Variants in RGMB observed in about 807,000 individuals in gnomAD.
RGMB encodes the protein repulsive guidance molecule BMP co-receptor b.
Under a neutral mutation model 26.9 loss-of-function variants are expected in RGMB, and 16 were observed. The observed-to-expected ratio is 0.60, with a 90% CI of 0.40 to 0.90. The LOEUF (loss-of-function observed/expected upper bound fraction) is 0.90, where lower values mean the gene tolerates loss of function less well. Ranked by LOEUF, RGMB falls within the 40% of genes least tolerant of loss-of-function variation. The probability of loss-of-function intolerance (pLI) is 0.00; values close to 1 mark genes in which losing one functional copy is unlikely to be tolerated. For synonymous variants in RGMB, 225 were observed against 229.3 expected (o/e 0.98, Z 0.17); for missense variants, 512 against 573.3 (o/e 0.89, Z 1.09).
chr5:98,783,755 T>A (rs528535430), intron 2 of RGMB, among the ~76,000 whole-genome samples: 29 of 152,384 alleles, frequency 1.9e-4, no homozygotes, highest in African/African-American at 7.0e-4. Flanking sequence ...ATATTAAAAT[T>A]GCCAGTCTCC....
At position 98,793,799 on chromosome 5, in the gene RGMB, T is replaced by A. The variant is rs1269069031; in HGVS notation, c.*46T>A. The A allele has an allele frequency of 3.0e-6, 4 of 1,340,648 alleles. No homozygotes were observed. Among genetic ancestry groups the A allele is most frequent in the East Asian group, 2.5e-5 (1 of 39,762 alleles). The allele number at this position is 1,340,648 out of a possible 1,614,324, so 83.0% of individuals were successfully genotyped here. On this transcript the variant is annotated 3_prime_UTR_variant, in exon 3 of 3. Transcript: ENST00000513185. ...TTTTTATTTTTTGTCTATAACAAAA[T>A]TTTAAAATATATATTGTCATAATAT...
chr5:98,771,678 T>G (rs1746168621), upstream of RGMB: 2 of 152,210 alleles, frequency 1.3e-5, no homozygotes, highest in South Asian at 4.1e-4. Context: ...AAGTTTTTCC[T>G]CTGAAGAACA....
intron 2 of RGMB, among the ~76,000 whole-genome samples, chr5:98,783,261 G>A (rs1002692915): frequency 9.2e-5 from 14 of 152,228 alleles, no homozygotes; most frequent in East Asian, 1.9e-4. Context: ...TCTCCACCCC[G>A]GGGGCTGCAG....
At chr5:98,770,764 GTTCTAACGCTTTTTAATAAACTT>G, upstream of RGMB, 1 of 737,638 alleles carries the variant, frequency 1.4e-6, no homozygotes, top group Admixed American at 4.1e-5. Flanking sequence ...TTTCCTTACT[GTTCTAACGCTTTTTAATAAACTT>G]TCACTCTTGC....
At position 98,793,855 on chromosome 5, in the gene RGMB, A is replaced by T; in HGVS notation, c.*102A>T. 11 of 884,518 alleles carry T rather than the reference A, an allele frequency of 1.2e-5. No homozygotes were observed. Among genetic ancestry groups the T allele is most frequent in the Non-Finnish European group, 1.8e-5 (11 of 597,938 alleles). 54.8% of individuals were successfully genotyped at this position (884,518 alleles called of 1,614,324 possible). ...GTAAAAGAGTATATATGTATATACCATGTATATGACAGGATGTTTGTCCTG... is the reference window on the plus strand; with the variant it reads ...GTAAAAGAGTATATATGTATATACCTTGTATATGACAGGATGTTTGTCCTG... On this transcript the variant is annotated 3_prime_UTR_variant, in exon 3 of 3. Transcript: ENST00000513185.
In RGMB at chr5:98,779,753, G is replaced by A; in HGVS notation, c.310G>A (p.Val104Ile). ...TTCAAAAGCCTGCCGTGGCAACCTG[G>A]TATACCATTCTGCCGTGTTGGGTAT... ...RTSKACRGNL[V>I]YHSAVLGISD... is the part of the protein sequence containing the mutation. Residue 104 changes from valine (V) to isoleucine (I), a missense_variant, in exon 2 of 3, where the codon GTA becomes ATA. Physicochemically the swap from Val to Ile is conservative, Grantham distance 29. Transcript: ENST00000513185. The A allele has an allele frequency of 6.2e-7, 1 of 1,614,062 alleles. No homozygotes were observed. The highest frequency in any genetic ancestry group is 1.1e-5 in the South Asian group (1 of 91,088).
At chr5:98,792,880 A>C in intron 2 of RGMB, 1 of 436,462 alleles carries the variant, frequency 2.3e-6, no homozygotes, top group Non-Finnish European at 4.0e-6. Flanking sequence ...AGATTTATTT[A>C]AACTTTAGTT....
At chr5:98,782,172 A>C (rs1746627356) in intron 2 of RGMB, among the ~76,000 whole-genome samples, 1 of 152,150 alleles carries the variant, frequency 6.6e-6, no homozygotes, top group African/African-American at 2.4e-5. Context: ...TTGGTTCCCC[A>C]TCCCCCTTCT....
chr5:98,780,037 A>G lies in RGMB; in HGVS notation c.594A>G (p.Gln198=). The G allele has an allele frequency of 6.2e-7, 1 of 1,613,644 alleles. No individual in the cohort carries two copies. The highest frequency in any genetic ancestry group is 8.5e-7 in the Non-Finnish European group (1 of 1,179,868). The change falls in exon 2 of 3, where the codon CAA becomes CAG. Residue 198 remains glutamine (Q), a synonymous_variant. Coordinates refer to ENST00000513185, the MANE Select transcript of RGMB (RefSeq NM_001366508.1). ...PLIDNNYLSV[Q]VTNVPVVPGS... ...TAGATAATAATTATCTTTCAGTTCA[A>G]GTGACAAACGTACCTGTGGTCCCTG...
At chr5:98,774,410 C>T (rs564184251) in intron 1 of RGMB, among the ~76,000 whole-genome samples, 1 of 152,212 alleles carries the variant, frequency 6.6e-6, no homozygotes, top group Non-Finnish European at 1.5e-5. Flanking sequence ...GGCGCAGAGA[C>T]GAGCCTTCTC....
rs1747130888 is a variant in RGMB at position 98,796,412 on chromosome 5, CTG to C, written c.*2663_*2664del. 1 of 144,794 alleles carries C rather than the reference CTG, an allele frequency of 6.9e-6. No individual in the cohort carries two copies. The highest frequency in any genetic ancestry group is 7.2e-5 in the Admixed American group (1 of 13,922). The allele number at this position is 144,794 out of a possible 1,614,324, so 9.0% of individuals were successfully genotyped here. On this transcript the variant is annotated 3_prime_UTR_variant, in exon 3 of 3. Coordinates refer to ENST00000513185, the MANE Select transcript of RGMB (RefSeq NM_001366508.1). ...GGTTCATAGATATATGAATACGTAT[CTG>C]TGTAAAACAGTGAGTGTGCAGTGTG...
chr5:98,776,126 C>T (rs1447181537), intron 1 of RGMB, among the ~76,000 whole-genome samples: 2 of 152,082 alleles, frequency 1.3e-5, no homozygotes, highest in African/African-American at 2.4e-5. Flanking sequence ...CACGTGTAGT[C>T]CTGGTGTTAA....
At chr5:98,769,886 C>T (rs551373952), upstream of RGMB, 1 of 152,842 alleles carries the variant, frequency 6.5e-6, no homozygotes, top group African/African-American at 2.4e-5. Flanking sequence ...ACCCCGCCCT[C>T]CAGCCTCCCA....
rs1445067867 is a variant in RGMB, at chr5:98,773,689, T to C, written c.-382T>C. ...CAGAGATATCCGGGCCGCCGGTGGG[T>C]GGTCGCTAGGGCTGGGCCAGCCTCT... On this transcript the variant is annotated 5_prime_UTR_variant, in exon 1 of 3. Transcript: ENST00000513185. The C allele has an allele frequency of 8.6e-5, 31 of 362,114 alleles. 1 individual carries two copies. In the Admixed American group the frequency reaches 1.3e-3, roughly 15 times the overall value. The allele number at this position is 362,114 out of a possible 1,614,324, so 22.4% of individuals were successfully genotyped here.
At position 98,779,827 on chromosome 5, in the gene RGMB, C is replaced by G; in HGVS notation, c.384C>G (p.Ser128=). The G allele has an allele frequency of 6.2e-7, 1 of 1,614,054 alleles. No homozygotes were observed. Among genetic ancestry groups the G allele is most frequent in the Non-Finnish European group, 8.5e-7 (1 of 1,179,900 alleles). ...QRNCSKDGPT[S]STNPEVTHDP... Reference sequence around the variant, plus strand: ...ATTGTTCCAAGGATGGACCCACATCCTCTACCAACCCCGAAGTGACCCATG... The same window carrying G: ...ATTGTTCCAAGGATGGACCCACATCGTCTACCAACCCCGAAGTGACCCATG... The change falls in exon 2 of 3, where the codon TCC becomes TCG. Residue 128 remains serine, a synonymous_variant. Transcript: ENST00000513185.
At chr5:98,788,890 G>A (rs1746842173) in intron 2 of RGMB, among the ~76,000 whole-genome samples, 1 of 152,178 alleles carries the variant, frequency 6.6e-6, no homozygotes, top group South Asian at 2.1e-4. Flanking sequence ...TTGTTGGAAT[G>A]GTTTCTTTTT....
intron 2 of RGMB, 46 bp downstream of exon 2, chr5:98,780,134 GA>G: frequency 2.0e-6 from 3 of 1,538,068 alleles, no homozygotes; most frequent in Non-Finnish European, 2.6e-6. Context: ...ACTTTCAAAA[GA>G]TGTTTGATTC....
chr5:98,774,382 C>CCCACCGGGCGG (rs1198233459), intron 1 of RGMB, among the ~76,000 whole-genome samples, 176 bp downstream of exon 1: 3 of 152,214 alleles, frequency 2.0e-5, no homozygotes, highest in Non-Finnish European at 4.4e-5. Flanking sequence ...AACGCAGCCA[C>CCCACCGGGCGG]CCACCGGGCG....
chr5:98,792,863 G>T, intron 2 of RGMB: 2 of 371,182 alleles, frequency 5.4e-6, no homozygotes, highest in Admixed American at 4.3e-5. Flanking sequence ...GTTTTGTCTT[G>T]ATGCACAGAT....
Sources: gnomAD v4.1 joint callset for allele counts (sites outside exome capture counted in the v4.1 genomes callset) on GRCh38, gnomAD v4.1.1 for gene constraint, MANE v1.5 for transcripts, NCBI Gene and HGNC (gene_info 2026-07-23, HGNC 2026-07-21) for gene names.